PDE4D: variants seen among roughly 807,000 people sequenced by gnomAD.
PDE4D encodes phosphodiesterase 4D, also known as 3',5'-cyclic-AMP phosphodiesterase 4D.
A neutral mutation model predicts 87.4 loss-of-function variants in PDE4D; 24 were observed. The ratio of observed to expected loss-of-function variants is 0.27; its 90% CI spans 0.20 to 0.39. PDE4D has a LOEUF of 0.39. Among genes scored for constraint, PDE4D ranks in the 10% least tolerant of loss-of-function variants. The pLI is 1.00. For missense variants in PDE4D, 714 were observed against 1,041.0 expected (o/e 0.69, Z 4.32); for synonymous variants, 384 against 383.2 (o/e 1.00, Z -0.02).
chr5:59,690,319 T>C (rs1004415555), intron 1 of PDE4D, among the ~76,000 whole-genome samples: 1 of 152,140 alleles, frequency 6.6e-6, no homozygotes, highest in African/African-American at 2.4e-5. Flanking sequence ...CTTCAAACTA[T>C]ACTACAAGGC....
In PDE4D at chr5:59,927,827, T is replaced by C. The variant is rs1755457736; in HGVS notation, c.272+60661A>G. ...ACTTATACTGAAACAAAGCTGCCAA[T>C]GTGATTGTCTAGTTGTTCACTACTT... On this transcript the variant is annotated intron_variant, in intron 3 of 16. Coordinates refer to the PDE4D transcript ENST00000502484. Among the ~76,000 whole-genome samples, 3 of 152,202 alleles carry C rather than the reference T, an allele frequency of 2.0e-5. No homozygotes were observed. The South Asian group carries it at 6.2e-4, about 31-fold the overall frequency.
chr5:59,549,864 G>A (rs1817831335), intron 1 of PDE4D, among the ~76,000 whole-genome samples: 1 of 151,564 alleles, frequency 6.6e-6, no homozygotes, highest in Non-Finnish European at 1.5e-5. Context: ...TAACTCCAAA[G>A]TTCAATAAAT....
At chr5:60,390,890 C>T (rs1255861014) in intron 1 of PDE4D, among the ~76,000 whole-genome samples, 2 of 152,082 alleles carry the variant, frequency 1.3e-5, no homozygotes, top group South Asian at 2.1e-4. Context: ...AAGAAGTCCT[C>T]GGGTCTTTAT....
At chr5:59,116,535 G>A (rs1393772154) in intron 5 of PDE4D, among the ~76,000 whole-genome samples, 2 of 152,080 alleles carry the variant, frequency 1.3e-5, no homozygotes, top group African/African-American at 4.8e-5. Flanking sequence ...CAGCATAACT[G>A]CAATAAAAAG....
At position 59,199,133 on chromosome 5, in the gene PDE4D, T is replaced by A. The variant is rs1314760281; in HGVS notation, c.648-5597A>T. Among the ~76,000 whole-genome samples the A allele has an allele frequency of 2.6e-5, 4 of 152,318 alleles. No individual in the cohort carries two copies. In the South Asian group the frequency reaches 6.2e-4, roughly 24 times the overall value. On this transcript the variant is annotated intron_variant, in intron 2 of 14. Coordinates refer to ENST00000340635, the MANE Select transcript of PDE4D (RefSeq NM_001104631.2). The stretch of plus-strand genomic sequence containing the variant: ...CCCTAATCCTACTATATTTAAAGCA[T>A]TAGTGGCCATGTAAGACCCACTGCT...
intron 1 of PDE4D, among the ~76,000 whole-genome samples, chr5:60,399,290 C>T (rs1740834215): frequency 6.6e-6 from 1 of 152,120 alleles, no homozygotes; most frequent in Non-Finnish European, 1.5e-5. Flanking sequence ...TCTTCTCCTA[C>T]TTGAAATACA....
chr5:59,185,303 C>A, intron 3 of PDE4D, 41 bp from the exon 4 acceptor site: 1 of 1,450,948 alleles, frequency 6.9e-7, no homozygotes, highest in Middle Eastern at 1.8e-4. Context: ...TGAGCTAAGG[C>A]CATTTTAAAT....
intron 5 of PDE4D, chr5:59,039,327 C>T: frequency 9.6e-7 from 1 of 1,040,076 alleles, no homozygotes; most frequent in East Asian, 9.7e-5. Flanking sequence ...GAGCCCGGCT[C>T]TAGCGGATGG....
intron 2 of PDE4D, among the ~76,000 whole-genome samples, chr5:60,007,608 A>C (rs562192528): frequency 6.6e-6 from 1 of 152,140 alleles, no homozygotes; most frequent in East Asian, 1.9e-4. Context: ...CTTAATATTT[A>C]ATGTAAAATA....
At chr5:60,348,556 A>G (rs903685941) in intron 1 of PDE4D, among the ~76,000 whole-genome samples, 1 of 152,170 alleles carries the variant, frequency 6.6e-6, no homozygotes. Flanking sequence ...GAACTATGAC[A>G]CACTTGGTAG....
intron 1 of PDE4D, among the ~76,000 whole-genome samples, chr5:60,253,482 T>A (rs1196869547): frequency 6.6e-6 from 1 of 151,858 alleles, no homozygotes; most frequent in South Asian, 2.1e-4. Context: ...AAGGATTGAG[T>A]CTTCTTTGGA....
At chr5:59,436,039 T>C (rs1449883026) in intron 1 of PDE4D, among the ~76,000 whole-genome samples, 1 of 152,176 alleles carries the variant, frequency 6.6e-6, no homozygotes, top group East Asian at 1.9e-4. Flanking sequence ...ATAAGCTCAG[T>C]ATAATGCCAT....
chr5:60,510,594 T>A (rs1021566728), intron 1 of PDE4D, among the ~76,000 whole-genome samples: 1 of 151,692 alleles, frequency 6.6e-6, no homozygotes, highest in Non-Finnish European at 1.5e-5. Flanking sequence ...ATGGCCGGAG[T>A]ATAGGCTGCA....
At chr5:60,309,009 T>C (rs1486406854) in intron 1 of PDE4D, among the ~76,000 whole-genome samples, 2 of 152,194 alleles carry the variant, frequency 1.3e-5, no homozygotes, top group African/African-American at 4.8e-5. Flanking sequence ...TGCCTTCATA[T>C]ATATTATAAA....
chr5:59,241,656 C>T (rs1000099666), intron 1 of PDE4D, among the ~76,000 whole-genome samples: 1 of 152,162 alleles, frequency 6.6e-6, no homozygotes, highest in Non-Finnish European at 1.5e-5. Flanking sequence ...GGGAGAAATT[C>T]CACTGACACT....
rs183031314 is a variant in PDE4D, at chr5:59,900,164, C to T, written c.272+88324G>A. Reference sequence around the variant, plus strand: ...CTGAGGCAGGAAAATTGCTTGAACCCGGGAGGTGAATGTTGCAGTGAGCCA... The same window carrying T: ...CTGAGGCAGGAAAATTGCTTGAACCTGGGAGGTGAATGTTGCAGTGAGCCA... On this transcript the variant is annotated intron_variant, in intron 3 of 16. Coordinates refer to the PDE4D transcript ENST00000502484. Among the ~76,000 whole-genome samples, 158 of 151,486 alleles carry T rather than the reference C, an allele frequency of 1.0e-3. 2 individuals carry two copies. Among genetic ancestry groups the T allele is most frequent in the Admixed American group, 0.01 (153 of 15,180 alleles).
At chr5:59,846,722 C>T (rs182696626) in intron 1 of PDE4D, among the ~76,000 whole-genome samples, 36 of 151,968 alleles carry the variant, frequency 2.4e-4, no homozygotes, top group Non-Finnish European at 3.7e-4. Flanking sequence ...GGGCCTGCAG[C>T]GGACAAGTAG....
At chr5:59,022,271 A>C (rs1460661796) in intron 6 of PDE4D, among the ~76,000 whole-genome samples, 1 of 152,158 alleles carries the variant, frequency 6.6e-6, no homozygotes, top group Non-Finnish European at 1.5e-5. Context: ...AGGGGCAGCA[A>C]CGGGCATTGG....
At chr5:59,293,229 TAC>T (rs1211183225) in intron 1 of PDE4D, among the ~76,000 whole-genome samples, 1 of 152,156 alleles carries the variant, frequency 6.6e-6, no homozygotes, top group African/African-American at 2.4e-5. Context: ...TCTTAAAAAA[TAC>T]AGTTATTTAA....
Sources: allele counts gnomAD v4.1 joint callset (sites outside exome capture counted in the v4.1 genomes callset), GRCh38; gene constraint gnomAD v4.1.1; transcripts MANE v1.5; gene names NCBI Gene and HGNC (gene_info 2026-07-23, HGNC 2026-07-21).